TEX14: variants seen among roughly 807,000 people sequenced by gnomAD.
The protein encoded by TEX14 is testis expressed 14, intercellular bridge forming factor, also known as inactive serine/threonine-protein kinase TEX14.
In TEX14, 168 loss-of-function variants were observed where a neutral mutation model predicts 178.6. The ratio of observed to expected loss-of-function variants is 0.94; its 90% CI spans 0.83 to 1.07. The LOEUF is 1.07. Among genes scored for constraint, TEX14 ranks in the 50% least tolerant of loss-of-function variants. TEX14 has a pLI of 0.00. For synonymous variants in TEX14, 626 were observed against 634.1 expected (o/e 0.99, Z 0.19); for missense variants, 1,730 against 1,753.6 (o/e 0.99, Z 0.24).
chr17:58,564,127 A>C (rs1204528802), intron 28 of TEX14: 2 of 152,190 alleles, frequency 1.3e-5, no homozygotes, highest in African/African-American at 4.8e-5. Flanking sequence ...ATAGTGTGGC[A>C]GTTCCTCAAA....
At chr17:58,641,128 T>G (rs376846648) in intron 2 of TEX14, among the ~76,000 whole-genome samples, 1 of 152,218 alleles carries the variant, frequency 6.6e-6, no homozygotes, top group African/African-American at 2.4e-5. Flanking sequence ...GCCAATCAGG[T>G]GGCTGAGAGC....
intron 5 of TEX14, among the ~76,000 whole-genome samples, chr17:58,621,214 C>G (rs1171294541): frequency 6.6e-6 from 1 of 152,172 alleles, no homozygotes; most frequent in Non-Finnish European, 1.5e-5. Context: ...GCAAGTCTCT[C>G]GTATCAGCTG....
At position 58,585,937 on chromosome 17, in the gene TEX14, G is replaced by A; in HGVS notation, c.2934C>T (p.Asn978=). The change falls in exon 18 of 32, where the codon AAC becomes AAT. Residue 978 remains asparagine, a synonymous_variant. Coordinates refer to ENST00000349033, the MANE Select transcript of TEX14 (RefSeq NM_031272.5). ...LLQPPIRSPE[N]TDWQRVIEYH... ...ACTCAATAACTCGCTGCCAATCCGT[G>A]TTTTCTGGGCTCCTAATGGGGGGCT... 1 of 1,614,028 alleles carries A rather than the reference G, an allele frequency of 6.2e-7. No individual in the cohort carries two copies. Among genetic ancestry groups the A allele is most frequent in the Non-Finnish European group, 8.5e-7 (1 of 1,180,024 alleles).
chr17:58,657,453 G>A (rs1011630455), intron 1 of TEX14, among the ~76,000 whole-genome samples: 76 of 139,350 alleles, frequency 5.5e-4, no homozygotes, highest in Non-Finnish European at 9.3e-4. Flanking sequence ...TGGTGTTTGT[G>A]TCTTTGTCAT....
intron 2 of TEX14, among the ~76,000 whole-genome samples, chr17:58,649,973 C>T (rs1263889415): frequency 2.6e-5 from 4 of 151,922 alleles, no homozygotes. Flanking sequence ...CTCCTGACCT[C>T]AGGTGATCCA....
chr17:58,574,341 G>A, intron 21 of TEX14, 92 bp from the exon 22 acceptor site: 3 of 960,378 alleles, frequency 3.1e-6, no homozygotes, highest in South Asian at 2.7e-5. Flanking sequence ...GATCAGCCCA[G>A]TGTGAGACGC....
At chr17:58,663,727 CG>C (rs2047159296) in intron 1 of TEX14, among the ~76,000 whole-genome samples, 1 of 152,064 alleles carries the variant, frequency 6.6e-6, no homozygotes, top group South Asian at 2.1e-4. Flanking sequence ...CTTGACCTCC[CG>C]AAGTGCTGGG....
At chr17:58,593,030 T>TTA (rs2045194865) in intron 15 of TEX14, among the ~76,000 whole-genome samples, 1 of 152,040 alleles carries the variant, frequency 6.6e-6, no homozygotes, top group Non-Finnish European at 1.5e-5. Context: ...TATGAATATA[T>TTA]TATATATACA....
chr17:58,673,712 C>G (rs1273535674), intron 1 of TEX14, among the ~76,000 whole-genome samples: 2 of 151,876 alleles, frequency 1.3e-5, no homozygotes, highest in African/African-American at 4.8e-5. Flanking sequence ...CAGGCATGCA[C>G]CACCATGCCC....
At chr17:58,623,808 A>AGGG (rs2046064014) in intron 3 of TEX14, among the ~76,000 whole-genome samples, 1 of 84,980 alleles carries the variant, frequency 1.2e-5, no homozygotes, top group Non-Finnish European at 2.3e-5. Flanking sequence ...GAAGAGGAGG[A>AGGG]GGGGGAGGGA....
chr17:58,602,682 G>A (rs990588609), intron 11 of TEX14, 92 bp from the exon 12 acceptor site: 1 of 950,290 alleles, frequency 1.1e-6, no homozygotes, highest in African/African-American at 1.7e-5. Flanking sequence ...GTAACCTTAG[G>A]CAAGTCACTT....
intron 8 of TEX14, among the ~76,000 whole-genome samples, chr17:58,614,755 G>A (rs2045832016): frequency 6.6e-6 from 1 of 152,216 alleles, no homozygotes; most frequent in Non-Finnish European, 1.5e-5. Flanking sequence ...AAGAGCAGAA[G>A]GACTTAACTC....
At chr17:58,622,354 G>A (rs1180644808) in intron 4 of TEX14, among the ~76,000 whole-genome samples, 1 of 151,834 alleles carries the variant, frequency 6.6e-6, no homozygotes, top group Non-Finnish European at 1.5e-5. Context: ...GCTGAGGCAG[G>A]AGAATTGCTT....
intron 8 of TEX14, among the ~76,000 whole-genome samples, chr17:58,614,335 C>CA (rs1242463754): frequency 6.6e-6 from 1 of 152,092 alleles, no homozygotes; most frequent in Admixed American, 6.5e-5. Context: ...ACTGAAAATA[C>CA]AAAAGTTAGC....
chr17:58,585,830 C>A lies in TEX14; in HGVS notation c.3041G>T (p.Gly1014Val), dbSNP rs1270610314. ...GNNDCDSDQH[G>V]RQPRLGSFTS... is the part of the protein sequence containing the mutation. ...GAAGCTTCCAAGCCTGGGCTGTCTG[C>A]CATGCTGGTCACTGTCACAGTCATT... The change falls in exon 18 of 32, where the codon GGC (glycine) becomes GTC (valine). Residue 1014 changes from glycine (G) to valine (V), a missense_variant. Coordinates refer to ENST00000349033, the MANE Select transcript of TEX14 (RefSeq NM_031272.5). The A allele has an allele frequency of 1.2e-6, 2 of 1,614,026 alleles. No individual in the cohort carries two copies. The highest frequency in any genetic ancestry group is 1.7e-6 in the Non-Finnish European group (2 of 1,179,994).
chr17:58,659,108 C>T (rs1165941119), intron 1 of TEX14, among the ~76,000 whole-genome samples: 1 of 149,190 alleles, frequency 6.7e-6, no homozygotes, highest in Non-Finnish European at 1.5e-5. Context: ...TAAACACACG[C>T]AACAACACAC....
chr17:58,688,268 C>T (rs545610871), intron 1 of TEX14, among the ~76,000 whole-genome samples: 1 of 151,832 alleles, frequency 6.6e-6, no homozygotes, highest in Non-Finnish European at 1.5e-5. Context: ...CTATAGGTAC[C>T]CTCCACCACC....
At chr17:58,661,700 C>G (rs1029310777) in intron 1 of TEX14, 1 of 586,592 alleles carries the variant, frequency 1.7e-6, no homozygotes, top group African/African-American at 1.9e-5. Context: ...GGGCGCTGCA[C>G]GGCAGGGCAG....
intron 2 of TEX14, chr17:58,631,022 G>A (rs1598401610): frequency 4.5e-6 from 1 of 224,322 alleles, no homozygotes; most frequent in Non-Finnish European, 7.4e-6. Flanking sequence ...CAATGAGTCT[G>A]TGAATAATTA....
Sources: allele counts gnomAD v4.1 joint callset (sites outside exome capture counted in the v4.1 genomes callset), GRCh38; gene constraint gnomAD v4.1.1; transcripts MANE v1.5; gene names NCBI Gene and HGNC (gene_info 2026-07-23, HGNC 2026-07-21).